Variants in SLC25A21 observed in about 807,000 individuals in gnomAD.
The protein encoded by SLC25A21 is solute carrier family 25 member 21.
Under a neutral mutation model 43.8 loss-of-function variants are expected in SLC25A21, and 47 were observed. The ratio of observed to expected loss-of-function variants is 1.07; its 90% CI spans 0.85 to 1.37. SLC25A21 has a LOEUF of 1.37. SLC25A21 is among the 40% of genes most tolerant of loss of function. The pLI is 0.00. For missense variants in SLC25A21, 352 were observed against 350.2 expected, an observed-to-expected ratio of 1.00 and a Z score of -0.04; for synonymous variants, 131 against 121.3, an observed-to-expected ratio of 1.08 and a Z score of -0.52.
chr14:36,959,580 C>T (rs1959436602), intron 1 of SLC25A21, among the ~76,000 whole-genome samples: 1 of 152,048 alleles, frequency 6.6e-6, no homozygotes, highest in Non-Finnish European at 1.5e-5. Flanking sequence ...GGGCACTGGT[C>T]TCATGTCACT....
Position 36,814,001 on chromosome 14 carries a change from C to G in SLC25A21, c.120G>C (p.Arg40Ser). 6.3e-7 allele frequency: 1 copy of G among 1,596,672 alleles called. No homozygotes were observed. Among genetic ancestry groups the G allele is most frequent in the Non-Finnish European group, 8.5e-7 (1 of 1,175,488 alleles). Residue 40 changes from arginine to serine, a missense_variant and splice_region_variant, in exon 3 of 10, where the codon AGG becomes AGC. By Grantham distance (110) the Arg-to-Ser change is moderately radical. Transcript: ENST00000331299. ...CGGTTGCACATCTCTGAATCTGAAA[C>G]CTAGAAGCAAAATCAAACCAAAAAT... ...LMHPLDVVKT[R>S]FQIQRCATDP...
At chr14:36,812,368 G>GT (rs1458218485) in intron 3 of SLC25A21, among the ~76,000 whole-genome samples, 11 of 151,710 alleles carry the variant, frequency 7.3e-5, no homozygotes, top group Non-Finnish European at 1.3e-4. Context: ...GTCAACATCT[G>GT]TTATAGAAAA....
intron 3 of SLC25A21, among the ~76,000 whole-genome samples, chr14:36,785,012 G>A (rs192343946): frequency 6.6e-6 from 1 of 152,318 alleles, no homozygotes; most frequent in Admixed American, 6.5e-5. Context: ...ATTCCCATAT[G>A]TAAGGATAGA....
chr14:36,968,874 T>C (rs1959682305), intron 1 of SLC25A21, among the ~76,000 whole-genome samples: 1 of 152,194 alleles, frequency 6.6e-6, no homozygotes, highest in South Asian at 2.1e-4. Flanking sequence ...GTCTGGTATT[T>C]TACTGTACAC....
chr14:37,057,121 T>A (rs1288129433), intron 1 of SLC25A21, among the ~76,000 whole-genome samples: 1 of 152,220 alleles, frequency 6.6e-6, no homozygotes, highest in Admixed American at 6.5e-5. Flanking sequence ...ATCATTTTCT[T>A]CCCTTTGAAT....
chr14:36,846,258 G>T (rs971641733), intron 2 of SLC25A21, among the ~76,000 whole-genome samples: 1 of 152,148 alleles, frequency 6.6e-6, no homozygotes, highest in Non-Finnish European at 1.5e-5. Flanking sequence ...TCTATACGAA[G>T]CATGAGAGAA....
chr14:36,910,090 G>A (rs113221922), intron 1 of SLC25A21, among the ~76,000 whole-genome samples: 2,411 of 152,172 alleles, frequency 0.016, 60 homozygotes, highest in African/African-American at 0.054. Context: ...TCTTATTTGG[G>A]AAAGCAGACC....
chr14:36,857,033 C>A (rs114382087), intron 2 of SLC25A21, among the ~76,000 whole-genome samples: 1 of 152,200 alleles, frequency 6.6e-6, no homozygotes, highest in Non-Finnish European at 1.5e-5. Flanking sequence ...TTTCCATGGG[C>A]CTTTTCACAT....
chr14:37,061,418 C>A (rs562058810), intron 1 of SLC25A21, among the ~76,000 whole-genome samples: 9 of 152,288 alleles, frequency 5.9e-5, no homozygotes, highest in Admixed American at 5.9e-4. Flanking sequence ...ACAGAGGCCC[C>A]AATTTCCTTA....
intron 1 of SLC25A21, among the ~76,000 whole-genome samples, chr14:37,051,723 A>C (rs1006311987): frequency 1.3e-5 from 2 of 152,214 alleles, no homozygotes; most frequent in Non-Finnish European, 2.9e-5. Context: ...GGACAGTCAT[A>C]TGGAAAAGGC....
intron 1 of SLC25A21, among the ~76,000 whole-genome samples, chr14:37,144,927 T>G (rs963736391): frequency 1.5e-4 from 21 of 144,214 alleles, no homozygotes; most frequent in African/African-American, 5.9e-4. Context: ...CCTGGGTGGT[T>G]GTTGTTGTTG....
At chr14:36,958,679 GCACACACACACACACACACA>G (rs71124786) in intron 1 of SLC25A21, among the ~76,000 whole-genome samples, 4 of 136,844 alleles carry the variant, frequency 2.9e-5, no homozygotes, top group Admixed American at 7.2e-5. Context: ...AAGCACACGT[GCACACACACACACACACACA>G]CACACACACA....
intron 1 of SLC25A21, among the ~76,000 whole-genome samples, chr14:37,018,440 T>C (rs73256295): frequency 0.042 from 6,373 of 152,100 alleles, 453 homozygotes; most frequent in African/African-American, 0.14. Context: ...AAGCACTACA[T>C]TGTATTCCAT....
chr14:36,830,657 T>C (rs1489280056), intron 2 of SLC25A21, among the ~76,000 whole-genome samples: 2 of 152,190 alleles, frequency 1.3e-5, no homozygotes, highest in Non-Finnish European at 2.9e-5. Context: ...ATGTAAACTG[T>C]CATTAAGTTT....
At position 36,894,147 on chromosome 14, in the gene SLC25A21, G is replaced by A. The variant is rs552619627; in HGVS notation, c.71-19143C>T. 3.5e-3 allele frequency among the ~76,000 whole-genome samples: 536 copies of A among 152,160 alleles called. 2 individuals are homozygous for A. Among genetic ancestry groups the A allele is most frequent in the African/African-American group, 0.012 (515 of 41,508 alleles). On this transcript the variant is annotated intron_variant, in intron 1 of 9. Transcript: ENST00000331299. ...ACCTTGGCAGTATGGCCATTTTCAC[G>A]ATATTGATTCTTCCTACCCATAAGC...
chr14:37,005,654 A>C (rs146073069), intron 1 of SLC25A21, among the ~76,000 whole-genome samples: 1 of 152,078 alleles, frequency 6.6e-6, no homozygotes, highest in South Asian at 2.1e-4. Context: ...TCCCTTATGG[A>C]TCAACATATT....
chr14:36,756,605 T>C (rs533111812), intron 3 of SLC25A21, among the ~76,000 whole-genome samples: 1 of 152,328 alleles, frequency 6.6e-6, no homozygotes, highest in African/African-American at 2.4e-5. Flanking sequence ...CTTGGCACCC[T>C]TGGGCCTTCC....
chr14:36,816,387 G>A (rs1024557600), intron 2 of SLC25A21, among the ~76,000 whole-genome samples: 1 of 152,036 alleles, frequency 6.6e-6, no homozygotes, highest in Admixed American at 6.6e-5. Context: ...GAGAAATAAT[G>A]GTGCTAGAAT....
intron 7 of SLC25A21, among the ~76,000 whole-genome samples, chr14:36,696,165 T>A (rs1883015154): frequency 1.3e-5 from 2 of 152,224 alleles, no homozygotes; most frequent in African/African-American, 2.4e-5. Context: ...ATTGAGATAA[T>A]CATGTGGTTT....
Sources: gnomAD v4.1 joint callset for allele counts (sites outside exome capture counted in the v4.1 genomes callset) on GRCh38, gnomAD v4.1.1 for gene constraint, MANE v1.5 for transcripts, NCBI Gene and HGNC (gene_info 2026-07-23, HGNC 2026-07-21) for gene names.